The following DENND4C variants were observed in gnomAD, a reference collection of about 807,000 sequenced individuals.
DENND4C encodes the protein DENN domain containing 4C, also known as DENN domain-containing protein 4C.
A neutral mutation model predicts 203.0 loss-of-function variants in DENND4C; 108 were observed. The observed-to-expected ratio is 0.53, with a 90% CI of 0.46 to 0.62. The LOEUF is 0.62. DENND4C is among the 20% of genes least tolerant of loss of function. DENND4C has a pLI of 0.00. For missense variants in DENND4C, 2,481 were observed against 2,301.2 expected (o/e 1.08, Z -1.60); for synonymous variants, 871 against 792.4 (o/e 1.10, Z -1.67).
chr9:19,288,942 G>C (rs1688978327), intron 4 of DENND4C, among the ~76,000 whole-genome samples: 1 of 152,200 alleles, frequency 6.6e-6, no homozygotes, highest in Middle Eastern at 3.2e-3. Context: ...TACGTTAATA[G>C]ACTTAACAGT....
At position 19,372,283 on chromosome 9, in the gene DENND4C, G is replaced by T; in HGVS notation, c.*110G>T. ...AAGAACTGGTGAATACGGAATTGAAGTAACTCTTGGGGACAATATATAATG... is the reference window on the plus strand; with the variant it reads ...AAGAACTGGTGAATACGGAATTGAATTAACTCTTGGGGACAATATATAATG... On this transcript the variant is annotated 3_prime_UTR_variant, in exon 33 of 33. Coordinates refer to ENST00000434457, the MANE Select transcript of DENND4C (RefSeq NM_001330640.2). The T allele has an allele frequency of 7.5e-7, 1 of 1,327,508 alleles. No homozygotes were observed. Among genetic ancestry groups the T allele is most frequent in the Non-Finnish European group, 1.0e-6 (1 of 965,752 alleles). 82.2% of individuals were successfully genotyped at this position (1,327,508 alleles called of 1,614,324 possible).
At chr9:19,305,782 A>T (rs1283739613) in intron 10 of DENND4C, among the ~76,000 whole-genome samples, 1 of 152,236 alleles carries the variant, frequency 6.6e-6, no homozygotes. Flanking sequence ...TATGTTTATC[A>T]GAAGAGACTA....
intron 1 of DENND4C, among the ~76,000 whole-genome samples, chr9:19,248,497 C>T (rs530089426): frequency 1.3e-5 from 2 of 152,088 alleles, no homozygotes; most frequent in Non-Finnish European, 2.9e-5. Context: ...TCAAGCGATT[C>T]TCCTGCCTCA....
Position 19,372,249 on chromosome 9 carries a change from C to G in DENND4C, c.*76C>G. The G allele has an allele frequency of 3.3e-6, 5 of 1,516,722 alleles. No homozygotes were observed. Among genetic ancestry groups the G allele is most frequent in the Non-Finnish European group, 4.5e-6 (5 of 1,122,622 alleles). The allele number at this position is 1,516,722 out of a possible 1,614,324, so 94.0% of individuals were successfully genotyped here. A position where few individuals can be genotyped will look rare whatever the true frequency, so the allele number is the denominator to read the frequency against. ...TCTGGAAACATTCAAGTTTTTTTTT[C>G]CAAATCGTAAGAACTGGTGAATACG... is the stretch of plus-strand genomic sequence containing the variant. On this transcript the variant is annotated 3_prime_UTR_variant, in exon 33 of 33. Transcript: ENST00000434457.
intron 29 of DENND4C, among the ~76,000 whole-genome samples, chr9:19,361,462 T>C (rs1826484095): frequency 1.3e-5 from 2 of 152,120 alleles, no homozygotes; most frequent in African/African-American, 4.8e-5. Flanking sequence ...CCTAAACATA[T>C]ACATGGGGCA....
chr9:19,369,681 C>T lies in DENND4C; in HGVS notation c.5525-156C>T, dbSNP rs570924136. Among the ~76,000 whole-genome samples the T allele has an allele frequency of 6.6e-5, 10 of 150,774 alleles. No individual in the cohort carries two copies. The East Asian group carries it at 2.0e-3, about 29-fold the overall frequency. ...ATTTGGGAGATTGAGGTGGGAGGAT[C>T]ACTTGAGCCTGGGAGACGAAGGTTG... On this transcript the variant is annotated intron_variant, in intron 30 of 32. Coordinates refer to ENST00000434457, the MANE Select transcript of DENND4C (RefSeq NM_001330640.2).
chr9:19,343,732 T>A lies in DENND4C; in HGVS notation c.3151+953T>A, dbSNP rs1384021916. ...TGGGGAAAAGGAGGGAAGAGTTTTC[T>A]TCGTCAGAGGCTTAGAATCCTCTCA... On this transcript the variant is annotated intron_variant, in intron 22 of 32. Coordinates refer to ENST00000434457, the MANE Select transcript of DENND4C (RefSeq NM_001330640.2). Among the ~76,000 whole-genome samples the A allele has an allele frequency of 3.3e-5, 5 of 152,248 alleles. No individual in the cohort carries two copies. The East Asian group carries it at 9.6e-4, about 29-fold the overall frequency.
chr9:19,316,749 A>T lies in DENND4C; in HGVS notation c.1717A>T (p.Ile573Phe), dbSNP rs764984866. The change falls in exon 12 of 33, where the codon ATT (isoleucine) becomes TTT (phenylalanine). Residue 573 changes from isoleucine to phenylalanine, a missense_variant. This residue lies in a region of DENND4C where 2,289 missense variants were observed against 2,113.3 expected (regional missense o/e 1.08). Transcript: ENST00000434457. ...GGCATTTTTGCGCTTTATGGCGTCT[A>T]TTTTAAAAGGATATAGAACATATCT... ...QEAFLRFMAS[I>F]LKGYRTYLRP... 6.2e-7 allele frequency: 1 copy of T among 1,614,088 alleles called. No individual in the cohort carries two copies. The highest frequency in any genetic ancestry group is 1.3e-5 in the African/African-American group (1 of 75,040).
Position 19,324,476 on chromosome 9 carries a change from G to A in DENND4C, c.1922G>A (p.Gly641Glu). Reference protein sequence around the residue: ...ECSFVSDKDTGLAFFDDCIEK... With the variant: ...ECSFVSDKDTELAFFDDCIEK... ...AGTTTTGTAAGTGATAAAGATACTGGATTAGCATTTTTTGATGACTGCATA... is the reference window on the plus strand; with the variant it reads ...AGTTTTGTAAGTGATAAAGATACTGAATTAGCATTTTTTGATGACTGCATA... Residue 641 changes from glycine (G) to glutamate (E), a missense_variant, in exon 13 of 33, where the codon GGA becomes GAA. Gly to Glu is a moderately conservative substitution (Grantham distance 98). This residue lies in a region of DENND4C where 2,289 missense variants were observed against 2,113.3 expected (regional missense o/e 1.08). Coordinates refer to ENST00000434457, the MANE Select transcript of DENND4C (RefSeq NM_001330640.2). 1 of 1,607,998 alleles carries A rather than the reference G, an allele frequency of 6.2e-7. No individual in the cohort carries two copies. The highest frequency in any genetic ancestry group is 8.5e-7 in the Non-Finnish European group (1 of 1,178,702).
At chr9:19,336,856 A>G in intron 20 of DENND4C, 24 bp downstream of exon 20, 1 of 1,537,424 alleles carries the variant, frequency 6.5e-7, no homozygotes, top group Non-Finnish European at 8.8e-7. Flanking sequence ...GATTTTACTA[A>G]CCCTTCACTT....
intron 1 of DENND4C, among the ~76,000 whole-genome samples, chr9:19,233,136 G>A (rs971393401): frequency 6.6e-6 from 1 of 152,098 alleles, no homozygotes; most frequent in African/African-American, 2.4e-5. Context: ...TGAGTCAGTG[G>A]CAGGTTGTTT....
intron 2 of DENND4C, among the ~76,000 whole-genome samples, chr9:19,280,410 G>A (rs1833820614): frequency 6.6e-6 from 1 of 152,202 alleles, no homozygotes; most frequent in Non-Finnish European, 1.5e-5. Context: ...CTCCCAAAGT[G>A]TTGAGGTTAC....
At chr9:19,312,716 T>G (rs971679666) in intron 10 of DENND4C, among the ~76,000 whole-genome samples, 3 of 152,172 alleles carry the variant, frequency 2.0e-5, no homozygotes, top group Non-Finnish European at 4.4e-5. Context: ...ACATTTGCTT[T>G]ATGTACTTAA....
chr9:19,321,703 A>G (rs907489708), intron 12 of DENND4C, among the ~76,000 whole-genome samples: 17 of 151,690 alleles, frequency 1.1e-4, no homozygotes, highest in African/African-American at 3.4e-4. Flanking sequence ...AAATTAGCGC[A>G]TGCCTGTAGT....
intron 1 of DENND4C, among the ~76,000 whole-genome samples, chr9:19,242,654 C>CTT (rs58190075): frequency 3.4e-5 from 5 of 145,216 alleles, no homozygotes; most frequent in African/African-American, 1.0e-4. Context: ...CTATTTCTTT[C>CTT]TTTTTTTTTT....
At chr9:19,258,225 C>T (rs997566755) in intron 1 of DENND4C, among the ~76,000 whole-genome samples, 11 of 152,098 alleles carry the variant, frequency 7.2e-5, no homozygotes, top group Admixed American at 1.3e-4. Context: ...AAAATCTACC[C>T]GCATAAAGAT....
chr9:19,292,853 A>T (rs548595593), intron 5 of DENND4C, among the ~76,000 whole-genome samples: 1 of 152,300 alleles, frequency 6.6e-6, no homozygotes, highest in East Asian at 1.9e-4. Flanking sequence ...GCAAAAATTG[A>T]AAACTTTCTA....
Position 19,373,915 on chromosome 9 carries a change from G to C in DENND4C, c.*1742G>C, listed in dbSNP as rs1262828154. ...TCTGACCTATGCAGAATTCTAGTGT[G>C]AATTTATTGTGAAAATGCTAAATGA... On this transcript the variant is annotated 3_prime_UTR_variant, in exon 33 of 33. Coordinates refer to ENST00000434457, the MANE Select transcript of DENND4C (RefSeq NM_001330640.2). Among the ~76,000 whole-genome samples the C allele has an allele frequency of 6.6e-6, 1 of 152,112 alleles. No individual in the cohort carries two copies. The highest frequency in any genetic ancestry group is 1.9e-4 in the East Asian group (1 of 5,182).
At chr9:19,241,849 C>A (rs10757040) in intron 1 of DENND4C, among the ~76,000 whole-genome samples, 75,538 of 149,754 alleles carry the variant, frequency 0.5, 19,659 homozygotes, top group South Asian at 0.6. Flanking sequence ...AAGACCTCAT[C>A]TTAAAAAAAA....
Sources: allele counts gnomAD v4.1 joint callset (sites outside exome capture counted in the v4.1 genomes callset), GRCh38; gene constraint gnomAD v4.1.1; regional missense constraint gnomAD v4.1.1; transcripts MANE v1.5; gene names NCBI Gene and HGNC (gene_info 2026-07-23, HGNC 2026-07-21).